The following TAF3 variants were observed in gnomAD, a reference collection of about 807,000 sequenced individuals.
TAF3 encodes TATA-box binding protein associated factor 3.
In TAF3, 7 loss-of-function variants were observed where a neutral mutation model predicts 80.6. The ratio of observed to expected loss-of-function variants is 0.09; its 90% CI spans 0.05 to 0.16. The LOEUF (loss-of-function observed/expected upper bound fraction) is 0.16. TAF3 is among the 10% of genes least tolerant of loss of function. The probability of loss-of-function intolerance (pLI) is 1.00; values close to 1 mark genes in which losing one functional copy is unlikely to be tolerated. For missense variants in TAF3, 921 were observed against 1,140.2 expected (o/e 0.81, Z 2.77); for synonymous variants, 444 against 446.1 (o/e 1.00, Z 0.06).
chr10:7,832,527 C>T (rs1457187330), intron 2 of TAF3, among the ~76,000 whole-genome samples: 3 of 151,960 alleles, frequency 2.0e-5, no homozygotes, highest in Admixed American at 6.6e-5. Context: ...CCACCTGAAG[C>T]ATTTATCATT....
rs190243316 is a variant in TAF3, at chr10:7,890,752, C to A, written c.409+66192C>A. Among the ~76,000 whole-genome samples the A allele has an allele frequency of 3.8e-3, 578 of 152,266 alleles. 1 individual carries two copies. Among genetic ancestry groups the A allele is most frequent in the African/African-American group, 0.013 (538 of 41,550 alleles). ...ATTCTTCAAATTTTAACTTCTAATT[C>A]TTTTGGTTTATTTTTAAGATACTTC... On this transcript the variant is annotated intron_variant, in intron 2 of 6. Coordinates refer to ENST00000344293, the MANE Select transcript of TAF3 (RefSeq NM_031923.4).
chr10:7,968,177 G>A (rs1831590709), intron 3 of TAF3, among the ~76,000 whole-genome samples: 1 of 152,146 alleles, frequency 6.6e-6, no homozygotes, highest in South Asian at 2.1e-4. Context: ...GCAGCTTTAT[G>A]TAAGGCACCA....
intron 1 of TAF3, among the ~76,000 whole-genome samples, chr10:7,820,380 T>C (rs576461935): frequency 1.1e-3 from 161 of 152,350 alleles, no homozygotes; most frequent in African/African-American, 3.7e-3. Context: ...CTGAGAAATA[T>C]TTGTTGAATA....
intron 5 of TAF3, among the ~76,000 whole-genome samples, chr10:8,010,922 A>T (rs2131442691): frequency 6.6e-6 from 1 of 152,234 alleles, no homozygotes; most frequent in East Asian, 1.9e-4. Flanking sequence ...AAAAAAAAAA[A>T]TTGTAAATCC....
chr10:7,827,842 C>T (rs1483559281), intron 2 of TAF3, among the ~76,000 whole-genome samples: 1 of 151,454 alleles, frequency 6.6e-6, no homozygotes. Flanking sequence ...GCTTGTAGTC[C>T]CAGCTATCAG....
chr10:7,895,021 G>T (rs1465704621), intron 2 of TAF3, among the ~76,000 whole-genome samples: 1 of 152,076 alleles, frequency 6.6e-6, no homozygotes, highest in Admixed American at 6.5e-5. Flanking sequence ...GATTACAAGT[G>T]CCCACCACCA....
intron 2 of TAF3, among the ~76,000 whole-genome samples, chr10:7,958,208 G>C (rs1838155670): frequency 6.6e-6 from 1 of 151,982 alleles, no homozygotes; most frequent in African/African-American, 2.4e-5. Context: ...TTAAAACATA[G>C]AATTAAAATT....
chr10:7,845,448 TA>T (rs1366254180), intron 2 of TAF3, among the ~76,000 whole-genome samples: 1 of 152,198 alleles, frequency 6.6e-6, no homozygotes, highest in African/African-American at 2.4e-5. Flanking sequence ...TGGGCAGTGC[TA>T]GGGGTAGGGG....
intron 2 of TAF3, among the ~76,000 whole-genome samples, chr10:7,854,362 C>T (rs1278678373): frequency 6.6e-6 from 1 of 152,170 alleles, no homozygotes. Context: ...GAATTATTTG[C>T]CCCAAAACAA....
At chr10:7,898,268 C>T (rs1189236833) in intron 2 of TAF3, among the ~76,000 whole-genome samples, 3 of 151,866 alleles carry the variant, frequency 2.0e-5, no homozygotes, top group Non-Finnish European at 2.9e-5. Context: ...ACTCTTAGGC[C>T]GGGTGGGGTG....
chr10:7,928,740 C>T (rs1837840031), intron 2 of TAF3, among the ~76,000 whole-genome samples: 1 of 152,066 alleles, frequency 6.6e-6, no homozygotes, highest in Admixed American at 6.6e-5. Flanking sequence ...AAGACTGGGG[C>T]CCTTTCTCTT....
chr10:7,905,545 A>G (rs1388035955), intron 2 of TAF3, among the ~76,000 whole-genome samples: 1 of 152,110 alleles, frequency 6.6e-6, no homozygotes, highest in Non-Finnish European at 1.5e-5. Flanking sequence ...TGAAATTTGC[A>G]AGTCATGGGC....
In TAF3 at chr10:7,832,974, T is replaced by G. The variant is rs114441575; in HGVS notation, c.409+8414T>G. On this transcript the variant is annotated intron_variant, in intron 2 of 6. Transcript: ENST00000344293. ...ACTTTGGGAGTCTGAGGCAGGAGGA[T>G]GATTTGAGGCCAGGAGTTCGAGATA... Among the ~76,000 whole-genome samples, 720 of 152,348 alleles carry G rather than the reference T, an allele frequency of 4.7e-3. 6 individuals are homozygous for G. Among genetic ancestry groups the G allele is most frequent in the African/African-American group, 0.016 (664 of 41,576 alleles).
chr10:8,014,316 C>G (rs1272158908), intron 6 of TAF3, among the ~76,000 whole-genome samples: 1 of 152,128 alleles, frequency 6.6e-6, no homozygotes, highest in Non-Finnish European at 1.5e-5. Flanking sequence ...TTTAAAATGT[C>G]AGATACAAAA....
intron 2 of TAF3, among the ~76,000 whole-genome samples, chr10:7,843,646 C>CTTTTTT (rs34180336): frequency 7.0e-6 from 1 of 142,512 alleles, no homozygotes; most frequent in Non-Finnish European, 1.5e-5. Context: ...CTTTCTCACT[C>CTTTTTT]TTTTTTTTTT....
intron 2 of TAF3, among the ~76,000 whole-genome samples, chr10:7,923,947 G>A (rs948879285): frequency 5.9e-5 from 9 of 152,176 alleles, no homozygotes; most frequent in African/African-American, 2.2e-4. Flanking sequence ...GTATTCCAAG[G>A]TATAAAGGAT....
chr10:8,014,943 C>G lies in TAF3; in HGVS notation c.*192C>G. On this transcript the variant is annotated 3_prime_UTR_variant, in exon 7 of 7. Transcript: ENST00000344293. Reference sequence around the variant, plus strand: ...CCCGAGCCGCCTTGGCCTGTGGCTCCGTGGCAGTGCGACAGAAGGAAACTC... The same window carrying G: ...CCCGAGCCGCCTTGGCCTGTGGCTCGGTGGCAGTGCGACAGAAGGAAACTC... 2.1e-6 allele frequency: 1 copy of G among 465,622 alleles called. No individual in the cohort carries two copies. The highest frequency in any genetic ancestry group is 3.9e-6 in the Non-Finnish European group (1 of 258,262). 28.8% of individuals were successfully genotyped at this position (465,622 alleles called of 1,614,324 possible).
intron 2 of TAF3, among the ~76,000 whole-genome samples, chr10:7,839,578 G>A (rs1564344637): frequency 6.6e-6 from 1 of 152,180 alleles, no homozygotes; most frequent in Non-Finnish European, 1.5e-5. Context: ...CATCTTCTGT[G>A]TATCATTCAT....
At chr10:8,001,342 C>G (rs993422874) in intron 4 of TAF3, among the ~76,000 whole-genome samples, 2 of 152,070 alleles carry the variant, frequency 1.3e-5, no homozygotes, top group Non-Finnish European at 2.9e-5. Flanking sequence ...ATGTTTATAT[C>G]TTTGATTACT....
Sources: gnomAD v4.1 joint callset for allele counts (sites outside exome capture counted in the v4.1 genomes callset) on GRCh38, gnomAD v4.1.1 for gene constraint, MANE v1.5 for transcripts, NCBI Gene and HGNC (gene_info 2026-07-23, HGNC 2026-07-21) for gene names.